CNKSR2: variants seen among roughly 807,000 people sequenced by gnomAD.
CNKSR2 encodes the protein connector enhancer of kinase suppressor of Ras 2.
A neutral mutation model predicts 84.4 loss-of-function variants in CNKSR2; 14 were observed. The ratio of observed to expected loss-of-function variants is 0.17; its 90% CI spans 0.11 to 0.26. The LOEUF (loss-of-function observed/expected upper bound fraction) is 0.26. Among genes scored for constraint, CNKSR2 ranks in the 10% least tolerant of loss-of-function variants. CNKSR2 has a pLI of 1.00. For synonymous variants in CNKSR2, 275 were observed against 277.9 expected, an observed-to-expected ratio of 0.99 and a Z score of 0.10; for missense variants, 485 against 771.2, an observed-to-expected ratio of 0.63 and a Z score of 4.40.
chrX:21,500,062 C>T (rs905722027), intron 7 of CNKSR2, among the ~76,000 whole-genome samples: 1 of 110,571 alleles, frequency 9.0e-6, no homozygotes, highest in African/African-American at 3.3e-5. Context: ...TTTCATGGTA[C>T]TTGTCTGACT....
At chrX:21,564,594 C>CA (rs1041496834) in intron 13 of CNKSR2, among the ~76,000 whole-genome samples, 2 of 111,335 alleles carry the variant, frequency 1.8e-5, no homozygotes, top group South Asian at 3.7e-4. Flanking sequence ...CTTAAAATAT[C>CA]AAAAAAATTT....
chrX:21,595,745 A>G (rs2092447946), intron 17 of CNKSR2, among the ~76,000 whole-genome samples: 2 of 111,903 alleles, frequency 1.8e-5, no homozygotes, highest in African/African-American at 6.5e-5. Context: ...TTTTTGAAGT[A>G]CTGAGTATTT....
intron 20 of CNKSR2, chrX:21,644,187 C>A (rs2092700070): frequency 8.9e-6 from 1 of 111,768 alleles, no homozygotes; most frequent in Non-Finnish European, 1.9e-5. Flanking sequence ...TCAAATCTGA[C>A]TATGTCCAGT....
At chrX:21,413,854 A>G (rs947190789) in intron 1 of CNKSR2, among the ~76,000 whole-genome samples, 5 of 111,167 alleles carry the variant, frequency 4.5e-5, no homozygotes, top group Admixed American at 3.8e-4. Context: ...TCACCTGTTG[A>G]TGGACACAAG....
intron 13 of CNKSR2, among the ~76,000 whole-genome samples, chrX:21,586,030 G>A: frequency 9.0e-6 from 1 of 110,926 alleles, no homozygotes; most frequent in Admixed American, 9.6e-5. Flanking sequence ...TAAAAGATAT[G>A]GTCATGGTCA....
intron 8 of CNKSR2, among the ~76,000 whole-genome samples, chrX:21,508,098 G>A (rs1212492407): frequency 8.9e-6 from 1 of 112,332 alleles, no homozygotes; most frequent in African/African-American, 3.2e-5. Flanking sequence ...GGCCAGGGTG[G>A]AGGGGGATTG....
chrX:21,615,441 C>T (rs2092572557), intron 20 of CNKSR2, among the ~76,000 whole-genome samples: 1 of 111,497 alleles, frequency 9.0e-6, no homozygotes, highest in African/African-American at 3.3e-5. Context: ...CTTGCTTTGT[C>T]ACTGTCCCAC....
intron 15 of CNKSR2, chrX:21,592,003 A>T (rs771624404): frequency 8.9e-6 from 1 of 111,974 alleles, no homozygotes; most frequent in Admixed American, 9.5e-5. Flanking sequence ...CAATACTATT[A>T]TGTTAAGACA....
chrX:21,579,503 G>A (rs1336874806), intron 13 of CNKSR2, among the ~76,000 whole-genome samples: 2 of 111,941 alleles, frequency 1.8e-5, no homozygotes, highest in African/African-American at 3.2e-5. Context: ...AGCATATACT[G>A]AGAAATACAT....
At chrX:21,513,724 A>G (rs1014752870) in intron 8 of CNKSR2, among the ~76,000 whole-genome samples, 2 of 111,539 alleles carry the variant, frequency 1.8e-5, no homozygotes, top group African/African-American at 6.5e-5. Context: ...CTTGTCAATC[A>G]TCAAGGTATA....
At position 21,416,701 on chromosome X, in the gene CNKSR2, T is replaced by C. The variant is rs938520923; in HGVS notation, c.65-9796T>C. ...TAGAAATTTGCTCATTTCTTCAAGA[T>C]TTTCCAGTTTATCAGCATGTAGTTT... On this transcript the variant is annotated intron_variant, in intron 1 of 21. Coordinates refer to ENST00000379510, the MANE Select transcript of CNKSR2 (RefSeq NM_014927.5). Among the ~76,000 whole-genome samples the C allele has an allele frequency of 2.7e-5, 3 of 111,537 alleles. No homozygotes were observed. In the Admixed American group the frequency reaches 2.9e-4, roughly 11 times the overall value.
rs771993911 is a variant in CNKSR2 at position 21,635,127 on chromosome X, G to T, written c.2693-13704G>T. On this transcript the variant is annotated intron_variant, in intron 20 of 21. Coordinates refer to ENST00000379510, the MANE Select transcript of CNKSR2 (RefSeq NM_014927.5). Reference sequence around the variant, plus strand: ...ATACAACAGATAGTTCTGCTTGTGTGTGGGGGAGTGCTGACAGCAGAATAA... The same window carrying T: ...ATACAACAGATAGTTCTGCTTGTGTTTGGGGGAGTGCTGACAGCAGAATAA... Among the ~76,000 whole-genome samples the T allele has an allele frequency of 2.8e-5, 3 of 108,560 alleles. No homozygotes were observed. In the South Asian group the frequency reaches 1.2e-3, roughly 44 times the overall value. The allele number at this position is 108,560 out of a possible 115,157, so 94.3% of individuals were successfully genotyped here.
In CNKSR2 at chrX:21,601,476, C is replaced by G. The variant is rs183751286; in HGVS notation, c.2044+127C>G. ...TTTTTGGTTATTTCTCTTCTAGGCA[C>G]TTAAGTGAGGTTTAACAACTTATAT... On this transcript the variant is annotated intron_variant, in intron 18 of 21. Coordinates refer to ENST00000379510, the MANE Select transcript of CNKSR2 (RefSeq NM_014927.5). 3.5e-3 allele frequency: 1,529 copies of G among 434,143 alleles called. 4 individuals carry two copies. Among genetic ancestry groups the G allele is most frequent in the Middle Eastern group, 5.4e-3 (8 of 1,471 alleles). The allele number at this position is 434,143 out of a possible 1,213,427, so 35.8% of individuals were successfully genotyped here.
At chrX:21,641,013 G>C (rs772759060) in intron 20 of CNKSR2, among the ~76,000 whole-genome samples, 17 of 111,943 alleles carry the variant, frequency 1.5e-4, no homozygotes, top group Non-Finnish European at 2.4e-4. Context: ...CTGTTCCACT[G>C]TCTCACTGAT....
chrX:21,635,167 C>T (rs1411186282), intron 20 of CNKSR2, among the ~76,000 whole-genome samples: 3 of 108,931 alleles, frequency 2.8e-5, no homozygotes, highest in African/African-American at 1.0e-4. Context: ...AGAATTGATT[C>T]TTATGCTAAA....
At chrX:21,574,806 A>G (rs1289817614) in intron 13 of CNKSR2, among the ~76,000 whole-genome samples, 1 of 111,901 alleles carries the variant, frequency 8.9e-6, no homozygotes, top group Non-Finnish European at 1.9e-5. Flanking sequence ...TGTGGTTTTC[A>G]GGAGGAATGC....
intron 13 of CNKSR2, among the ~76,000 whole-genome samples, chrX:21,571,179 C>T (rs898643704): frequency 1.2e-4 from 13 of 111,949 alleles, no homozygotes; most frequent in Admixed American, 1.9e-4. Context: ...CATGGCACCC[C>T]AAAATAATTA....
At chrX:21,461,710 G>A (rs892132858) in intron 4 of CNKSR2, among the ~76,000 whole-genome samples, 1 of 112,053 alleles carries the variant, frequency 8.9e-6, no homozygotes, top group African/African-American at 3.2e-5. Context: ...TTTGAATTTT[G>A]TATATGGCGG....
intron 11 of CNKSR2, among the ~76,000 whole-genome samples, chrX:21,542,186 A>G (rs2031209816): frequency 8.9e-6 from 1 of 112,521 alleles, no homozygotes; most frequent in African/African-American, 3.2e-5. Flanking sequence ...AAAAAGATAG[A>G]CAGGAATAAC....
Sources: allele counts gnomAD v4.1 joint callset (sites outside exome capture counted in the v4.1 genomes callset), GRCh38; gene constraint gnomAD v4.1.1; transcripts MANE v1.5; gene names NCBI Gene and HGNC (gene_info 2026-07-23, HGNC 2026-07-21).